Variants in MARK3 observed in about 807,000 individuals in gnomAD.
MARK3 encodes the protein MAP/microtubule affinity-regulating kinase 3.
In MARK3, 46 loss-of-function variants were observed where a neutral mutation model predicts 90.1. That is an observed-to-expected ratio of 0.51 (90% CI 0.40 to 0.65). The LOEUF (loss-of-function observed/expected upper bound fraction) is 0.65. MARK3 is among the 30% of genes least tolerant of loss of function. The pLI, the probability that MARK3 is intolerant of heterozygous loss-of-function variation, is 0.00. For synonymous variants in MARK3, 321 were observed against 332.6 expected, an observed-to-expected ratio of 0.97 and a Z score of 0.38; for missense variants, 818 against 947.2, an observed-to-expected ratio of 0.86 and a Z score of 1.79.
intron 2 of MARK3, among the ~76,000 whole-genome samples, chr14:103,422,934 G>A (rs1237778175): frequency 6.6e-6 from 1 of 152,102 alleles, no homozygotes; most frequent in African/African-American, 2.4e-5. Flanking sequence ...GGTCTTTATA[G>A]AAGGTTAAGT....
intron 17 of MARK3, among the ~76,000 whole-genome samples, chr14:103,501,592 C>G (rs3783402): frequency 0.34 from 51,397 of 151,906 alleles, 9,065 homozygotes; most frequent in Middle Eastern, 0.46. Flanking sequence ...TCCCATGGCT[C>G]TTCATAGCTC....
Position 103,503,510 on chromosome 14 carries a change from G to A in MARK3, c.*283G>A, listed in dbSNP as rs992566858. On this transcript the variant is annotated 3_prime_UTR_variant, in exon 18 of 18. Coordinates refer to ENST00000429436, the MANE Select transcript of MARK3 (RefSeq NM_001128918.3). ...CTCCCGTCTGGGTGGGTGTGAGAGT[G>A]GACGGTATGTGTGTGAAGTGGTGTA... 2 of 440,610 alleles carry A rather than the reference G, an allele frequency of 4.5e-6. No individual in the cohort carries two copies. The highest frequency in any genetic ancestry group is 2.7e-5 in the South Asian group (1 of 37,618). The allele number at this position is 440,610 out of a possible 1,614,324, so 27.3% of individuals were successfully genotyped here.
chr14:103,399,327 T>TA (rs2090788276), intron 1 of MARK3, among the ~76,000 whole-genome samples: 1 of 152,152 alleles, frequency 6.6e-6, no homozygotes, highest in African/African-American at 2.4e-5. Flanking sequence ...TTTGAGTTGA[T>TA]ATGGCCCCTA....
intron 1 of MARK3, among the ~76,000 whole-genome samples, chr14:103,396,211 T>G (rs2090569390): frequency 1.3e-5 from 2 of 152,168 alleles, no homozygotes; most frequent in Non-Finnish European, 2.9e-5. Context: ...ATCTTCTTGT[T>G]TCAGGCTTAC....
chr14:103,501,107 G>A (rs1031613838), intron 17 of MARK3, among the ~76,000 whole-genome samples: 4 of 152,064 alleles, frequency 2.6e-5, no homozygotes, highest in Non-Finnish European at 4.4e-5. Flanking sequence ...CTAAAAGCCC[G>A]CTTCTGGTCA....
rs758615686 is a variant in MARK3, at chr14:103,466,461, C to T, written c.997+19C>T. ...AGAATAGGTAATCACTCCATGCCTGCATGTTCATGTGTTTTTGTCTAAGTA... is the reference window on the plus strand; with the variant it reads ...AGAATAGGTAATCACTCCATGCCTGTATGTTCATGTGTTTTTGTCTAAGTA... On this transcript the variant is annotated intron_variant, in intron 10 of 17. Transcript: ENST00000429436. 14 of 1,481,434 alleles carry T rather than the reference C, an allele frequency of 9.5e-6. No homozygotes were observed. Among genetic ancestry groups the T allele is most frequent in the Non-Finnish European group, 1.2e-5 (13 of 1,068,388 alleles). The allele number at this position is 1,481,434 out of a possible 1,614,324, so 91.8% of individuals were successfully genotyped here.
chr14:103,395,522 C>A (rs1396647997), intron 1 of MARK3, among the ~76,000 whole-genome samples: 3 of 152,142 alleles, frequency 2.0e-5, no homozygotes, highest in Admixed American at 2.0e-4. Flanking sequence ...GCATAGTTGT[C>A]ATCCTGAGAT....
chr14:103,475,323 A>C, intron 13 of MARK3, 113 bp downstream of exon 13: 1 of 793,672 alleles, frequency 1.3e-6, no homozygotes, highest in South Asian at 1.7e-5. Context: ...CCTCTCTACT[A>C]GGCAGCCATG....
chr14:103,405,548 AGC>A (rs1331917335), intron 2 of MARK3, among the ~76,000 whole-genome samples: 6 of 151,890 alleles, frequency 4.0e-5, no homozygotes, highest in African/African-American at 7.3e-5. Flanking sequence ...TCACCGTGTT[AGC>A]CAGGATGGTC....
At chr14:103,500,404 G>GT (rs2075596960) in intron 17 of MARK3, among the ~76,000 whole-genome samples, 1 of 152,234 alleles carries the variant, frequency 6.6e-6, no homozygotes, top group Non-Finnish European at 1.5e-5. Flanking sequence ...TTGTGTTTGT[G>GT]TTCAAAGCAC....
intron 9 of MARK3, 37 bp from the exon 10 acceptor site, chr14:103,466,306 C>T: frequency 5.5e-6 from 8 of 1,453,766 alleles, no homozygotes; most frequent in African/African-American, 1.4e-5. Context: ...CAGAATATTT[C>T]ATTTTACTCT....
intron 1 of MARK3, among the ~76,000 whole-genome samples, chr14:103,392,666 T>C (rs796834980): frequency 6.6e-6 from 1 of 152,038 alleles, no homozygotes; most frequent in African/African-American, 2.4e-5. Flanking sequence ...TCCATGAGTT[T>C]AAAAAAAACT....
chr14:103,391,049 A>T (rs564847229), intron 1 of MARK3, among the ~76,000 whole-genome samples: 74 of 152,306 alleles, frequency 4.9e-4, no homozygotes, highest in Middle Eastern at 6.8e-3. Context: ...AGGAAAATTT[A>T]AAAAAATAGA....
chr14:103,458,398 G>A (rs543930733), intron 6 of MARK3, among the ~76,000 whole-genome samples: 1 of 131,142 alleles, frequency 7.6e-6, no homozygotes, highest in Admixed American at 9.0e-5. Flanking sequence ...GGCGGAAATT[G>A]TAGTGAGCCA....
intron 3 of MARK3, among the ~76,000 whole-genome samples, chr14:103,442,252 C>T (rs1429236597): frequency 1.3e-5 from 2 of 152,006 alleles, no homozygotes; most frequent in African/African-American, 4.8e-5. Context: ...TGCCTGTAGT[C>T]CTAGCTACTG....
At chr14:103,487,819 C>T (rs533142782) in intron 14 of MARK3, among the ~76,000 whole-genome samples, 4 of 152,180 alleles carry the variant, frequency 2.6e-5, no homozygotes, top group Admixed American at 6.5e-5. Flanking sequence ...GAGGCTGAGC[C>T]GGGTGGATCA....
At position 103,458,512 on chromosome 14, in the gene MARK3, G is replaced by A. The variant is rs190913312; in HGVS notation, c.483+1300G>A. On this transcript the variant is annotated intron_variant, in intron 6 of 17. Transcript: ENST00000429436. ...TGTAGACAATACCAAATGAATGAACGTGACTGTGTTCCAACAAAACTTTAT... is the reference window on the plus strand; with the variant it reads ...TGTAGACAATACCAAATGAATGAACATGACTGTGTTCCAACAAAACTTTAT... Among the ~76,000 whole-genome samples the A allele has an allele frequency of 1.5e-4, 20 of 137,430 alleles. No homozygotes were observed. The East Asian group carries it at 3.2e-3, about 22-fold the overall frequency. The allele number at this position is 137,430 out of a possible 152,430, so 90.2% of individuals were successfully genotyped here.
intron 2 of MARK3, among the ~76,000 whole-genome samples, chr14:103,414,837 A>G (rs886332247): frequency 1.8e-4 from 28 of 152,174 alleles, no homozygotes; most frequent in African/African-American, 2.7e-4. Flanking sequence ...GTGAACATAA[A>G]AGATACTCAC....
intron 17 of MARK3, among the ~76,000 whole-genome samples, chr14:103,501,689 C>G (rs1017834222): frequency 1.3e-5 from 2 of 152,138 alleles, no homozygotes; most frequent in Non-Finnish European, 2.9e-5. Context: ...CGGGCTCCAC[C>G]TCTTCTGCTG....
Sources: gnomAD v4.1 joint callset for allele counts (sites outside exome capture counted in the v4.1 genomes callset) on GRCh38, gnomAD v4.1.1 for gene constraint, MANE v1.5 for transcripts, NCBI Gene and HGNC (gene_info 2026-07-23, HGNC 2026-07-21) for gene names.